The following RIMS1 variants were observed in gnomAD, a reference collection of about 807,000 sequenced individuals.
RIMS1 encodes the protein regulating synaptic membrane exocytosis 1.
RIMS1 carries 83 observed loss-of-function variants against 214.1 expected under a neutral mutation model. That is an observed-to-expected ratio of 0.39 (90% CI 0.32 to 0.47). The LOEUF (loss-of-function observed/expected upper bound fraction) is 0.47. Among genes scored for constraint, RIMS1 ranks in the 20% least tolerant of loss-of-function variants. RIMS1 has a pLI of 0.99. For missense variants in RIMS1, 2,050 were observed against 2,161.8 expected, an observed-to-expected ratio of 0.95 and a Z score of 1.03; for synonymous variants, 793 against 786.8, an observed-to-expected ratio of 1.01 and a Z score of -0.13.
intron 1 of RIMS1, among the ~76,000 whole-genome samples, chr6:71,940,159 A>T (rs1030585912): frequency 1.3e-5 from 2 of 152,178 alleles, no homozygotes; most frequent in Admixed American, 6.5e-5. Context: ...GGGCTATGGG[A>T]TGGCATTTTA....
intron 22 of RIMS1, among the ~76,000 whole-genome samples, chr6:72,270,518 G>T (rs1477842326): frequency 6.6e-5 from 10 of 152,168 alleles, no homozygotes; most frequent in Non-Finnish European, 1.5e-4. Context: ...TCACTTCAAA[G>T]TTGGATTGAG....
In RIMS1 at chr6:72,390,755, T is replaced by A; in HGVS notation, c.4505+19T>A. ...AGGGCAAGTAAGTGCTGTCAGCACG[T>A]CTGCATGGCTGTGGAACCAGGAATT... On this transcript the variant is annotated intron_variant, in intron 30 of 33. Transcript: ENST00000521978. The A allele has an allele frequency of 6.2e-7, 1 of 1,612,216 alleles. No homozygotes were observed. Among genetic ancestry groups the A allele is most frequent in the Non-Finnish European group, 8.5e-7 (1 of 1,178,850 alleles).
chr6:72,078,846 A>T (rs1832560828), intron 2 of RIMS1, among the ~76,000 whole-genome samples: 1 of 152,116 alleles, frequency 6.6e-6, no homozygotes, highest in South Asian at 2.1e-4. Flanking sequence ...GGATCATCTA[A>T]CAAAGTTTTT....
intron 1 of RIMS1, among the ~76,000 whole-genome samples, chr6:71,946,926 T>C (rs1787998471): frequency 1.3e-5 from 2 of 151,884 alleles, no homozygotes; most frequent in Admixed American, 1.3e-4. Flanking sequence ...CAAAAGGAAC[T>C]CAAACAACTC....
At chr6:72,194,320 C>G (rs1401109100) in intron 6 of RIMS1, among the ~76,000 whole-genome samples, 1 of 151,644 alleles carries the variant, frequency 6.6e-6, no homozygotes, top group African/African-American at 2.4e-5. Flanking sequence ...GACAGTTTAT[C>G]AGTTACACAT....
intron 29 of RIMS1, among the ~76,000 whole-genome samples, chr6:72,360,785 T>C (rs1192883225): frequency 6.7e-6 from 1 of 150,030 alleles, no homozygotes; most frequent in Non-Finnish European, 1.5e-5. Context: ...CGGCGTTTTA[T>C]TTTTTGTGCG....
chr6:72,285,460 G>T (rs764169353), intron 24 of RIMS1, among the ~76,000 whole-genome samples: 12 of 152,214 alleles, frequency 7.9e-5, no homozygotes, highest in African/African-American at 2.9e-4. Context: ...ACTGAGTTGA[G>T]ATCTGAAAAA....
At chr6:72,041,963 A>G (rs1046327034) in intron 2 of RIMS1, among the ~76,000 whole-genome samples, 14 of 151,824 alleles carry the variant, frequency 9.2e-5, no homozygotes, top group African/African-American at 3.4e-4. Flanking sequence ...CCAGACTCCA[A>G]CTCTAAACCA....
At chr6:72,261,472 A>G (rs1011187510) in intron 19 of RIMS1, 1 of 971,896 alleles carries the variant, frequency 1.0e-6, no homozygotes. Flanking sequence ...ATCTCATTAC[A>G]TCTTTAATTT....
At chr6:71,954,462 C>A (rs1790574394) in intron 1 of RIMS1, among the ~76,000 whole-genome samples, 1 of 152,254 alleles carries the variant, frequency 6.6e-6, no homozygotes, top group Admixed American at 6.5e-5. Context: ...AATTTTCCTA[C>A]ATAAACCTGT....
intron 29 of RIMS1, among the ~76,000 whole-genome samples, chr6:72,351,797 C>G (rs1226199357): frequency 6.6e-6 from 1 of 152,060 alleles, no homozygotes; most frequent in African/African-American, 2.4e-5. Flanking sequence ...CATTTATAAC[C>G]AGAAAAATAT....
chr6:72,207,086 T>G (rs1362571038), intron 6 of RIMS1, among the ~76,000 whole-genome samples: 1 of 152,218 alleles, frequency 6.6e-6, no homozygotes, highest in Admixed American at 6.5e-5. Flanking sequence ...CAAGAAGTAG[T>G]CTGGTCCTAT....
intron 2 of RIMS1, among the ~76,000 whole-genome samples, chr6:72,061,888 G>T (rs1279324890): frequency 6.6e-6 from 1 of 152,134 alleles, no homozygotes; most frequent in Non-Finnish European, 1.5e-5. Flanking sequence ...AGAAACAATT[G>T]CATTCTCATA....
chr6:72,085,013 G>A (rs1431880889), intron 2 of RIMS1, among the ~76,000 whole-genome samples: 1 of 152,036 alleles, frequency 6.6e-6, no homozygotes, highest in Non-Finnish European at 1.5e-5. Flanking sequence ...TTCTTTTTCA[G>A]CCACCTCTGA....
At chr6:72,354,920 CT>C (rs112853692) in intron 29 of RIMS1, among the ~76,000 whole-genome samples, 12 of 151,780 alleles carry the variant, frequency 7.9e-5, no homozygotes, top group African/African-American at 2.2e-4. Flanking sequence ...TTTTTTAATT[CT>C]TTTTTTTGTG....
rs983877216 is a variant in RIMS1 at position 72,258,134 on chromosome 6, G to C, written c.2780G>C (p.Arg927Thr). The C allele has an allele frequency of 3.7e-6, 6 of 1,612,424 alleles. No individual in the cohort carries two copies. The highest frequency in any genetic ancestry group is 4.2e-6 in the Non-Finnish European group (5 of 1,179,072). ...GIGVVPPVGYRSSARESKSTT... is the reference protein window; with the variant it reads ...GIGVVPPVGYTSSARESKSTT... ...TGTGTACTTTTGCCAGTAGGCTATA[G>C]GTCTAGTGCTAGAGAAAGTAAATCT... is the stretch of plus-strand genomic sequence containing the variant. Residue 927 changes from arginine to threonine, a missense_variant, in exon 17 of 34, where the codon AGG (arginine) becomes ACG (threonine). Around this residue, in one of 6 missense-constraint regions of RIMS1, gnomAD observed 889 missense variants for 885.5 expected, o/e 1.00. Coordinates refer to ENST00000521978, the MANE Select transcript of RIMS1 (RefSeq NM_014989.7).
chr6:72,346,606 G>T (rs1371168721), intron 29 of RIMS1, among the ~76,000 whole-genome samples: 1 of 151,654 alleles, frequency 6.6e-6, no homozygotes, highest in East Asian at 1.9e-4. Flanking sequence ...CTTCTGCTCT[G>T]TTACTCAGCC....
chr6:72,187,860 T>A (rs1324414632), intron 6 of RIMS1, among the ~76,000 whole-genome samples: 2 of 151,990 alleles, frequency 1.3e-5, no homozygotes, highest in Non-Finnish European at 2.9e-5. Flanking sequence ...ACAGGATAGA[T>A]GTATATATAA....
intron 4 of RIMS1, among the ~76,000 whole-genome samples, chr6:72,101,247 G>C (rs1336685980): frequency 2.0e-5 from 3 of 151,982 alleles, no homozygotes; most frequent in Non-Finnish European, 2.9e-5. Context: ...AGTGTAATGA[G>C]AATACAGGTG....
Sources: allele counts gnomAD v4.1 joint callset (sites outside exome capture counted in the v4.1 genomes callset), GRCh38; gene constraint gnomAD v4.1.1; regional missense constraint gnomAD v4.1.1; transcripts MANE v1.5; gene names NCBI Gene and HGNC (gene_info 2026-07-23, HGNC 2026-07-21).